Variants in CACNA2D3 observed in about 807,000 individuals in gnomAD.
The protein encoded by CACNA2D3 is voltage-dependent calcium channel subunit alpha-2/delta-3.
Under a neutral mutation model 160.6 loss-of-function variants are expected in CACNA2D3, and 60 were observed. That is an observed-to-expected ratio of 0.37 (90% confidence interval 0.30 to 0.46). The LOEUF is 0.46. Among genes scored for constraint, CACNA2D3 ranks in the 20% least tolerant of loss-of-function variants. The pLI is 1.00. For missense variants in CACNA2D3, 1,205 were observed against 1,365.0 expected, an observed-to-expected ratio of 0.88 and a Z score of 1.85; for synonymous variants, 558 against 492.9, an observed-to-expected ratio of 1.13 and a Z score of -1.75.
In CACNA2D3 at chr3:54,891,335, C is replaced by T. The variant is rs755500447; in HGVS notation, c.2151-20C>T. 24 of 1,583,272 alleles carry T rather than the reference C, an allele frequency of 1.5e-5. No homozygotes were observed. Among genetic ancestry groups the T allele is most frequent in the Middle Eastern group, 1.7e-4 (1 of 5,874 alleles). The stretch of plus-strand genomic sequence containing the variant: ...TTACTGTCTAGAGGCCTCCCCCTGA[C>T]GTCTGTTGTTCTGTTTCAGAAATTC... On this transcript the variant is annotated intron_variant, in intron 24 of 37. Transcript: ENST00000474759.
intron 13 of CACNA2D3, among the ~76,000 whole-genome samples, chr3:54,771,547 G>A (rs1225505215): frequency 6.6e-6 from 1 of 152,096 alleles, no homozygotes; most frequent in Non-Finnish European, 1.5e-5. Flanking sequence ...CTGTCAGCTG[G>A]GGACCACTCC....
At chr3:54,274,005 C>CCTGTGAGAT (rs1553774628) in intron 2 of CACNA2D3, among the ~76,000 whole-genome samples, 6,707 of 151,958 alleles carry the variant, frequency 0.044, 538 homozygotes, top group African/African-American at 0.15. Context: ...TTTGAGTGGG[C>CCTGTGAGAT]GTATGGCTGT....
chr3:54,323,709 G>C (rs549188949), intron 3 of CACNA2D3, among the ~76,000 whole-genome samples: 3 of 152,132 alleles, frequency 2.0e-5, no homozygotes, highest in East Asian at 3.9e-4. Context: ...CTCGTGATCT[G>C]CCTGCCTTGG....
At chr3:54,864,256 A>C (rs1024090754) in intron 17 of CACNA2D3, among the ~76,000 whole-genome samples, 17 of 150,374 alleles carry the variant, frequency 1.1e-4, no homozygotes, top group African/African-American at 4.2e-4. Flanking sequence ...CACTGCAGCC[A>C]CTCAGTTTAT....
chr3:55,074,370 A>C lies in CACNA2D3; in HGVS notation c.*164A>C. Reference sequence around the variant, plus strand: ...CTGTGCGTGATATAAACTCTTAAAGATATGTTGACAAAAAGTTATCTATCA... The same window carrying C: ...CTGTGCGTGATATAAACTCTTAAAGCTATGTTGACAAAAAGTTATCTATCA... On this transcript the variant is annotated 3_prime_UTR_variant, in exon 38 of 38. Transcript: ENST00000474759. 1 of 599,330 alleles carries C rather than the reference A, an allele frequency of 1.7e-6. No individual in the cohort carries two copies. Among genetic ancestry groups the C allele is most frequent in the South Asian group, 2.1e-5 (1 of 48,226 alleles). 37.1% of individuals were successfully genotyped at this position (599,330 alleles called of 1,614,324 possible). A position where few individuals can be genotyped will look rare whatever the true frequency, so the allele number is the denominator to read the frequency against.
At chr3:54,969,766 G>C in intron 28 of CACNA2D3, 34 bp from the exon 29 acceptor site, 1 of 1,607,142 alleles carries the variant, frequency 6.2e-7, no homozygotes, top group Non-Finnish European at 8.5e-7. Flanking sequence ...AAGTAACATA[G>C]TAACACATTT....
At chr3:54,237,212 A>G (rs1262337684) in intron 2 of CACNA2D3, among the ~76,000 whole-genome samples, 1 of 152,152 alleles carries the variant, frequency 6.6e-6, no homozygotes, top group African/African-American at 2.4e-5. Context: ...TGTGTTAAAT[A>G]TGACCATGTC....
At chr3:54,818,337 C>T (rs1703508843) in intron 14 of CACNA2D3, among the ~76,000 whole-genome samples, 2 of 152,208 alleles carry the variant, frequency 1.3e-5, no homozygotes, top group Non-Finnish European at 1.5e-5. Context: ...TGCGCCACCG[C>T]ACCTGGCTTA....
chr3:54,260,516 G>A (rs558926534), intron 2 of CACNA2D3, among the ~76,000 whole-genome samples: 2 of 152,138 alleles, frequency 1.3e-5, no homozygotes, highest in East Asian at 3.9e-4. Context: ...ATATAATGAA[G>A]GTCCCGTCTT....
intron 23 of CACNA2D3, among the ~76,000 whole-genome samples, chr3:54,887,533 C>T: frequency 6.6e-6 from 1 of 152,052 alleles, no homozygotes; most frequent in East Asian, 1.9e-4. Context: ...TATCTCTTTC[C>T]CATGTGACAA....
intron 2 of CACNA2D3, among the ~76,000 whole-genome samples, chr3:54,211,227 T>G (rs976898210): frequency 6.6e-6 from 1 of 151,478 alleles, no homozygotes; most frequent in African/African-American, 2.5e-5. Flanking sequence ...AAGCTTTGCT[T>G]TTTTTCCATT....
At chr3:55,062,006 A>G (rs1704522112) in intron 35 of CACNA2D3, among the ~76,000 whole-genome samples, 1 of 152,246 alleles carries the variant, frequency 6.6e-6, no homozygotes. Flanking sequence ...TGAACCTTGA[A>G]GAATGGTGAG....
intron 2 of CACNA2D3, among the ~76,000 whole-genome samples, chr3:54,302,557 G>A (rs73091561): frequency 0.084 from 12,754 of 152,118 alleles, 763 homozygotes; most frequent in South Asian, 0.13. Context: ...TTTGCTGAAA[G>A]CATCACTGCA....
intron 4 of CACNA2D3, among the ~76,000 whole-genome samples, chr3:54,400,486 C>G (rs1284031123): frequency 3.3e-5 from 5 of 152,248 alleles, no homozygotes; most frequent in Middle Eastern, 6.8e-3. Flanking sequence ...GAAATATCTT[C>G]TCATCTAAGA....
chr3:54,818,924 G>A lies in CACNA2D3; in HGVS notation c.1398+2054G>A, dbSNP rs1168705. On this transcript the variant is annotated intron_variant, in intron 14 of 37. Coordinates refer to ENST00000474759, the MANE Select transcript of CACNA2D3 (RefSeq NM_018398.3). ...AGCTCTTTGAAGAAGGAGTTTGAACGTAAACCTCAGGTATCTAGGCTGGAG... is the reference window on the plus strand; with the variant it reads ...AGCTCTTTGAAGAAGGAGTTTGAACATAAACCTCAGGTATCTAGGCTGGAG... Among the ~76,000 whole-genome samples, 815 of 152,312 alleles carry A rather than the reference G, an allele frequency of 5.4e-3. 9 individuals carry two copies. The highest frequency in any genetic ancestry group is 0.017 in the African/African-American group (725 of 41,562).
intron 27 of CACNA2D3, among the ~76,000 whole-genome samples, chr3:54,938,640 A>C (rs1256342853): frequency 6.6e-6 from 1 of 151,090 alleles, no homozygotes; most frequent in Admixed American, 6.6e-5. Flanking sequence ...CAAATTATAC[A>C]TCTTGATATA....
chr3:54,306,236 T>A (rs982057426), intron 2 of CACNA2D3, among the ~76,000 whole-genome samples: 6 of 152,064 alleles, frequency 3.9e-5, no homozygotes, highest in African/African-American at 1.4e-4. Context: ...ATCAGGAAGA[T>A]GTGGATGAAT....
rs370474461 is a variant in CACNA2D3, at chr3:54,995,833, CTA to C, written c.2690+8084_2690+8085del. Reference sequence around the variant, plus strand: ...CCAGCATGCCCCAGTTTGCTTCAAACTATATGAGTCCTCTGGCTTCCTCTGAT... The same window carrying C: ...CCAGCATGCCCCAGTTTGCTTCAAACTATGAGTCCTCTGGCTTCCTCTGAT... On this transcript the variant is annotated intron_variant, in intron 31 of 37. Coordinates refer to ENST00000474759, the MANE Select transcript of CACNA2D3 (RefSeq NM_018398.3). Among the ~76,000 whole-genome samples, 38 of 152,300 alleles carry C rather than the reference CTA, an allele frequency of 2.5e-4. No homozygotes were observed. The East Asian group carries it at 5.4e-3, about 22-fold the overall frequency.
chr3:54,576,367 G>A (rs938751179), intron 8 of CACNA2D3, among the ~76,000 whole-genome samples: 37 of 152,076 alleles, frequency 2.4e-4, no homozygotes, highest in Non-Finnish European at 5.9e-5. Flanking sequence ...TGGTGGGAGG[G>A]TCTAGCCCAT....
Sources: gnomAD v4.1 joint callset for allele counts (sites outside exome capture counted in the v4.1 genomes callset) on GRCh38, gnomAD v4.1.1 for gene constraint, MANE v1.5 for transcripts, NCBI Gene and HGNC (gene_info 2026-07-23, HGNC 2026-07-21) for gene names.